ERBB2: variants seen among roughly 807,000 people sequenced by gnomAD.
The protein encoded by ERBB2 is erb-b2 receptor tyrosine kinase 2.
Under a neutral mutation model 149.0 loss-of-function variants are expected in ERBB2, and 61 were observed. The ratio of observed to expected loss-of-function variants is 0.41; its 90% CI spans 0.33 to 0.51. The LOEUF (loss-of-function observed/expected upper bound fraction) is 0.51. Among genes scored for constraint, ERBB2 ranks in the 20% least tolerant of loss-of-function variants. ERBB2 has a pLI of 0.25. For missense variants in ERBB2, 1,205 were observed against 1,655.1 expected, an observed-to-expected ratio of 0.73 and a Z score of 4.72; for synonymous variants, 633 against 678.8, an observed-to-expected ratio of 0.93 and a Z score of 1.05.
upstream of ERBB2, among the ~76,000 whole-genome samples, chr17:39,698,730 G>T (rs555606883): frequency 6.6e-6 from 1 of 152,106 alleles, no homozygotes; most frequent in East Asian, 1.9e-4. Flanking sequence ...TGGGAGATGG[G>T]GGGGAGGGAA....
chr17:39,706,030 C>CT (rs1330078705), intron 1 of ERBB2, among the ~76,000 whole-genome samples: 1 of 152,224 alleles, frequency 6.6e-6, no homozygotes, highest in Non-Finnish European at 1.5e-5. Flanking sequence ...GTGTGAGCTG[C>CT]TACCCCGGCG....
intron 2 of ERBB2, among the ~76,000 whole-genome samples, chr17:39,689,321 A>G (rs1289703060): frequency 2.0e-5 from 3 of 152,196 alleles, no homozygotes; most frequent in Admixed American, 2.0e-4. Context: ...TAAATATAAC[A>G]TGAATAGTGT....
At chr17:39,696,947 G>A (rs1419986288), upstream of ERBB2, 1 of 152,406 alleles carries the variant, frequency 6.6e-6, no homozygotes, top group Non-Finnish European at 1.5e-5. Context: ...GTGGTGTGAT[G>A]AACCAGTGAC....
Position 39,715,305 on chromosome 17 carries a change from G to A in ERBB2, c.1168G>A (p.Ala390Thr), listed in dbSNP as rs755701444. Residue 390 changes from alanine to threonine, a missense_variant, in exon 10 of 27, where the codon GCC (alanine) becomes ACC (threonine). This residue lies in a region of ERBB2 where 569 missense variants were observed against 803.5 expected (regional missense o/e 0.71). Coordinates refer to ENST00000269571, the MANE Select transcript of ERBB2 (RefSeq NM_004448.4). ...SFDGDPASNTAPLQPEQLQVF... is the reference protein window; with the variant it reads ...SFDGDPASNTTPLQPEQLQVF... Reference sequence around the variant, plus strand: ...CTCCAGGGACCCAGCCTCCAACACTGCCCCGCTCCAGCCAGAGCAGCTCCA... The same window carrying A: ...CTCCAGGGACCCAGCCTCCAACACTACCCCGCTCCAGCCAGAGCAGCTCCA... 2.1e-5 allele frequency: 34 copies of A among 1,613,978 alleles called. No homozygotes were observed. The highest frequency in any genetic ancestry group is 2.9e-5 in the Non-Finnish European group (34 of 1,179,930).
chr17:39,726,038 C>A lies in ERBB2; in HGVS notation c.2872+185C>A, dbSNP rs2059738675. The A allele has an allele frequency of 1.7e-6, 1 of 605,128 alleles. No homozygotes were observed. Among genetic ancestry groups the A allele is most frequent in the Admixed American group, 3.4e-5 (1 of 29,676 alleles). The allele number at this position is 605,128 out of a possible 1,614,324, so 37.5% of individuals were successfully genotyped here. A position where few individuals can be genotyped will look rare whatever the true frequency, so the allele number is the denominator to read the frequency against. ...TCCAAAGCCACTCTTGAGGAACACT[C>A]TTGTACAAAATTAAGCTGGGCACAG... On this transcript the variant is annotated intron_variant, in intron 23 of 26. Coordinates refer to ENST00000269571, the MANE Select transcript of ERBB2 (RefSeq NM_004448.4). This position sits in a 1 kb window ranked among gnomAD's most constrained non-coding sequence, Gnocchi z 5.1.
At chr17:39,707,407 A>T (rs1390570945) in intron 2 of ERBB2, 11 of 367,222 alleles carry the variant, frequency 3.0e-5, no homozygotes, top group Non-Finnish European at 5.4e-5. Flanking sequence ...TGCCAGCATG[A>T]TCATGTCCCC....
In ERBB2 at chr17:39,711,948, G is replaced by A. The variant is rs776515406; in HGVS notation, c.922G>A (p.Val308Met). 37 of 1,614,102 alleles carry A rather than the reference G, an allele frequency of 2.3e-5. No homozygotes were observed. The highest frequency in any genetic ancestry group is 3.1e-5 in the Non-Finnish European group (36 of 1,179,984). ...CTTAGACAACTACCTTTCTACGGAC[G>A]TGGGATCCTGCACCCTCGTCTGCCC... ...ACPYNYLSTDVGSCTLVCPLH... is the reference protein window; with the variant it reads ...ACPYNYLSTDMGSCTLVCPLH... Residue 308 changes from valine to methionine, a missense_variant, in exon 8 of 27, where the codon GTG becomes ATG. Coordinates refer to ENST00000269571, the MANE Select transcript of ERBB2 (RefSeq NM_004448.4).
At chr17:39,706,077 C>T (rs1310708107) in intron 1 of ERBB2, among the ~76,000 whole-genome samples, 1 of 152,212 alleles carries the variant, frequency 6.6e-6, no homozygotes, top group Non-Finnish European at 1.5e-5. Context: ...TCTAGTATTC[C>T]TGACCTTAGT....
intron 16 of ERBB2, chr17:39,720,422 C>T (rs2059384998): frequency 6.5e-6 from 1 of 154,010 alleles, no homozygotes; most frequent in Non-Finnish European, 1.4e-5. Context: ...GGACCTGATC[C>T]CCAAGCCACA....
chr17:39,693,683 G>A (rs189876831), upstream of ERBB2, among the ~76,000 whole-genome samples: 5 of 151,582 alleles, frequency 3.3e-5, no homozygotes, highest in Admixed American at 6.6e-5. Context: ...GCTTGAACCC[G>A]GGAGGCAGAG....
At position 39,723,512 on chromosome 17, in the gene ERBB2, A is replaced by G. The variant is rs759827974; in HGVS notation, c.2086-26A>G. The G allele has an allele frequency of 3.1e-6, 5 of 1,613,122 alleles. No homozygotes were observed. The South Asian group carries it at 5.5e-5, about 18-fold the overall frequency. On this transcript the variant is annotated intron_variant, in intron 17 of 26. Transcript: ENST00000269571. The surrounding 1 kb of genome is among the most constrained non-coding windows in gnomAD (Gnocchi z 6.2). ...CGTGGGGTCTGCACCGGCCCCCGGC[A>G]CTGACCCACCACCCCCTCACCCCAG...
At chr17:39,692,009 A>G (rs2057725461), upstream of ERBB2, among the ~76,000 whole-genome samples, 1 of 149,740 alleles carries the variant, frequency 6.7e-6, no homozygotes, top group South Asian at 2.1e-4. Flanking sequence ...GTGTGCCACC[A>G]CATCCGGCTA....
At position 39,727,337 on chromosome 17, in the gene ERBB2, G is replaced by C. The variant is rs754310116; in HGVS notation, c.3202G>C (p.Glu1068Gln). ...DLTLGLEPSE[E>Q]EAPRSPLAPS... Reference sequence around the variant, plus strand: ...GACACTAGGGCTGGAGCCCTCTGAAGAGGAGGCCCCCAGGTCTCCACTGGC... The same window carrying C: ...GACACTAGGGCTGGAGCCCTCTGAACAGGAGGCCCCCAGGTCTCCACTGGC... Residue 1068 changes from glutamate to glutamine, a missense_variant, in exon 26 of 27, where the codon GAG becomes CAG. This residue lies in a region of ERBB2 where 312 missense variants were observed against 343.8 expected (regional missense o/e 0.91). Coordinates refer to ENST00000269571, the MANE Select transcript of ERBB2 (RefSeq NM_004448.4). The surrounding 1 kb of genome is among the most constrained non-coding windows in gnomAD (Gnocchi z 4.3). 18 of 1,612,254 alleles carry C rather than the reference G, an allele frequency of 1.1e-5. No individual in the cohort carries two copies. The highest frequency in any genetic ancestry group is 1.5e-5 in the Non-Finnish European group (18 of 1,179,540).
Position 39,725,619 on chromosome 17 carries a change from A to G in ERBB2, c.2726-88A>G. 3 of 1,432,698 alleles carry G rather than the reference A, an allele frequency of 2.1e-6. No homozygotes were observed. Among genetic ancestry groups the G allele is most frequent in the South Asian group, 2.6e-5 (2 of 76,228 alleles). 88.7% of individuals were successfully genotyped at this position (1,432,698 alleles called of 1,614,324 possible). On this transcript the variant is annotated intron_variant, in intron 22 of 26. Transcript: ENST00000269571. This position sits in a 1 kb window ranked among gnomAD's most constrained non-coding sequence, Gnocchi z 4.6. The stretch of plus-strand genomic sequence containing the variant: ...ATCACATCTCCCCCTGCTACCTGCC[A>G]TGATGCTAGACTCCTGAGCAGAACC...
At chr17:39,694,262 T>TATATACACAC (rs1567888141), upstream of ERBB2, among the ~76,000 whole-genome samples, 70 of 28,872 alleles carry the variant, frequency 2.4e-3, 6 homozygotes, top group Non-Finnish European at 4.6e-3. Flanking sequence ...TATATATATA[T>TATATACACAC]ATATATGTGT....
At position 39,727,774 on chromosome 17, in the gene ERBB2, T is replaced by G. The variant is rs1478630742; in HGVS notation, c.3498T>G (p.Thr1166=). The G allele has an allele frequency of 1.2e-6, 2 of 1,609,350 alleles. No homozygotes were observed. Among genetic ancestry groups the G allele is most frequent in the Admixed American group, 3.3e-5 (2 of 59,748 alleles). The change falls in exon 27 of 27, where the codon ACT becomes ACG. Residue 1166 remains threonine, a synonymous_variant. Coordinates refer to ENST00000269571, the MANE Select transcript of ERBB2 (RefSeq NM_004448.4). The surrounding 1 kb of genome is among the most constrained non-coding windows in gnomAD (Gnocchi z 4.3). ...CTGCTGCCCGACCTGCTGGTGCCAC[T>G]CTGGAAAGGCCCAAGACTCTCTCCC... ...PLPAARPAGA[T]LERPKTLSPG... is the part of the protein sequence containing the mutation.
upstream of ERBB2, among the ~76,000 whole-genome samples, chr17:39,691,574 T>TATATATATATACACACAC (rs1244087250): frequency 2.5e-5 from 3 of 122,062 alleles, no homozygotes; most frequent in Admixed American, 8.2e-5. Context: ...TATATATATA[T>TATATATATATACACACAC]ACACACACAC....
In ERBB2 at chr17:39,704,341, C is replaced by T. The variant is rs148150809; in HGVS notation, c.74-2649C>T. 2.3e-3 allele frequency among the ~76,000 whole-genome samples: 343 copies of T among 152,146 alleles called. 6 individuals are homozygous for T. The South Asian group carries it at 0.032, about 14-fold the overall frequency. ...CTGTAATCCCAGCACTTTGGGAGGC[C>T]GAGACGGGCGGATCACAAGGTCAGC... On this transcript the variant is annotated intron_variant, in intron 1 of 26. Transcript: ENST00000269571.
At chr17:39,713,462 G>T (rs1418653507) in intron 9 of ERBB2, among the ~76,000 whole-genome samples, 1 of 150,120 alleles carries the variant, frequency 6.7e-6, no homozygotes, top group Non-Finnish European at 1.5e-5. Context: ...AATAAGAAAT[G>T]AATTGGGGCC....
Sources: allele counts gnomAD v4.1 joint callset (sites outside exome capture counted in the v4.1 genomes callset), GRCh38; gene constraint gnomAD v4.1.1; regional missense constraint gnomAD v4.1.1; non-coding constraint Gnocchi (gnomAD v3.1); transcripts MANE v1.5; gene names NCBI Gene and HGNC (gene_info 2026-07-23, HGNC 2026-07-21).